Variants in PARP9 observed in about 807,000 individuals in gnomAD.
The protein encoded by PARP9 is protein mono-ADP-ribosyltransferase PARP9.
A neutral mutation model predicts 68.8 loss-of-function variants in PARP9; 48 were observed. The observed-to-expected ratio is 0.70, with a 90% CI of 0.55 to 0.89. PARP9 has a LOEUF of 0.89. Among genes scored for constraint, PARP9 ranks in the 40% least tolerant of loss-of-function variants. The pLI is 0.00. For synonymous variants in PARP9, 309 were observed against 333.8 expected, an observed-to-expected ratio of 0.93 and a Z score of 0.81; for missense variants, 806 against 969.3, an observed-to-expected ratio of 0.83 and a Z score of 2.24.
Position 122,555,335 on chromosome 3 carries a change from A to G in PARP9, c.836T>C (p.Val279Ala), listed in dbSNP as rs200422942. 28 of 1,614,074 alleles carry G rather than the reference A, an allele frequency of 1.7e-5. No homozygotes were observed. The highest frequency in any genetic ancestry group is 5.9e-6 in the Non-Finnish European group (7 of 1,179,964). ...GACAATCTGGAGGGTCAGGTTGTTCACGACCATTGCATTGAAAGAAGGGGT... is the reference window on the plus strand; with the variant it reads ...GACAATCTGGAGGGTCAGGTTGTTCGCGACCATTGCATTGAAAGAAGGGGT... ...ETTPSFNAMV[V>A]NNLTLQIVQG... Residue 279 changes from valine to alanine, a missense_variant, in exon 4 of 11, where the codon GTG becomes GCG. This residue lies in a region of PARP9 where 680 missense variants were observed against 858.8 expected (regional missense o/e 0.79). Coordinates refer to ENST00000682323, the MANE Select transcript of PARP9 (RefSeq NM_001146105.2).
rs568727341 is a variant in PARP9, at chr3:122,536,272, A to G, written c.1976T>C (p.Leu659Pro). 1.2e-6 allele frequency: 2 copies of G among 1,614,170 alleles called. No individual in the cohort carries two copies. Among genetic ancestry groups the G allele is most frequent in the African/African-American group, 1.3e-5 (1 of 75,038 alleles). ...CCTATGGCTCACAGGTTGCCTGTGC[A>G]GTTTTTCTTCCATCATTTTCTTCTT... Reference protein sequence around the residue: ...QRKKKMMEEKLHRQPVSHRLF... With the variant: ...QRKKKMMEEKPHRQPVSHRLF... Residue 659 changes from leucine to proline, a missense_variant, in exon 10 of 11, where the codon CTG becomes CCG. By Grantham distance (98) the Leu-to-Pro change is moderately conservative. This residue lies in a region of PARP9 where 680 missense variants were observed against 858.8 expected (regional missense o/e 0.79). Coordinates refer to ENST00000682323, the MANE Select transcript of PARP9 (RefSeq NM_001146105.2).
intron 8 of PARP9, 92 bp downstream of exon 8, chr3:122,540,376 TTCTG>T: frequency 1.4e-6 from 2 of 1,431,060 alleles, no homozygotes; most frequent in East Asian, 4.6e-5. Context: ...TCCTCTCTCC[TTCTG>T]TCTCTTACCC....
chr3:122,545,479 G>C lies in PARP9; in HGVS notation c.1337C>G (p.Ser446Cys), dbSNP rs746024234. The change falls in exon 7 of 11, where the codon TCT becomes TGT. Residue 446 changes from serine to cysteine, a missense_variant. Coordinates refer to ENST00000682323, the MANE Select transcript of PARP9 (RefSeq NM_001146105.2). ...CATCTTGGACCTCTTTGCCATTTCA[G>C]AACTGAAAGCCTACAAGAAGCAAAA... is the stretch of plus-strand genomic sequence containing the variant. ...TDLEIYKAFS[S>C]EMAKRSKMLS... 2 of 1,614,164 alleles carry C rather than the reference G, an allele frequency of 1.2e-6. No individual in the cohort carries two copies. The highest frequency in any genetic ancestry group is 2.2e-5 in the South Asian group (2 of 91,080).
intron 9 of PARP9, 159 bp downstream of exon 9, chr3:122,536,775 G>T: frequency 1.2e-6 from 1 of 800,738 alleles, no homozygotes; most frequent in Non-Finnish European, 1.9e-6. Flanking sequence ...TATCCCTCGT[G>T]CCTGCCCTGC....
rs34006803 is a variant in PARP9, at chr3:122,558,421, G to A, written c.49+13C>T. 169,321 of 1,613,884 alleles carry A rather than the reference G, an allele frequency of 0.1. 10,364 individuals carry two copies. Among genetic ancestry groups the A allele is most frequent in the Middle Eastern group, 0.22 (1,341 of 6,062 alleles). On this transcript the variant is annotated intron_variant, in intron 3 of 10. Coordinates refer to ENST00000682323, the MANE Select transcript of PARP9 (RefSeq NM_001146105.2). ...GACTTTCTGAAACAAGAGTGAGAGC[G>A]AGGTAATCCTACCTGATTTTTCATT...
In PARP9 at chr3:122,528,387, C is replaced by T. The variant is rs760906815; in HGVS notation, c.2437G>A (p.Ala813Thr). The change falls in exon 11 of 11, where the codon GCA (alanine) becomes ACA (threonine). Residue 813 changes from alanine (A) to threonine (T), a missense_variant. Ala to Thr is a moderately conservative substitution (Grantham distance 58). Around this residue, in one of 2 missense-constraint regions of PARP9, gnomAD observed 680 missense variants for 858.8 expected, o/e 0.79. Transcript: ENST00000682323. ...GATTAATCAACAGGGCTGCCACTTG[C>T]GAATCCCCTCCAAGGATGCTGTGCA... ...PFAQHPWRGF[A>T]SGSPVD 18 of 1,613,240 alleles carry T rather than the reference C, an allele frequency of 1.1e-5. No individual in the cohort carries two copies. The African/African-American group carries it at 1.2e-4, about 11-fold the overall frequency.
At chr3:122,535,380 T>C in intron 10 of PARP9, 1 of 985,334 alleles carries the variant, frequency 1.0e-6, no homozygotes, top group Non-Finnish European at 1.2e-6. Flanking sequence ...AAACCAAGTC[T>C]ATTGGAATTG....
chr3:122,537,044 G>C lies in PARP9; in HGVS notation c.1795C>G (p.Gln599Glu). 6.2e-7 allele frequency: 1 copy of C among 1,613,348 alleles called. No homozygotes were observed. The highest frequency in any genetic ancestry group is 8.5e-7 in the Non-Finnish European group (1 of 1,179,594). Reference sequence around the variant, plus strand: ...ATGATATTTTCTTTCATTTCGTCTTGGGTTTTTTGTTGCTGAATAGTCCAC... The same window carrying C: ...ATGATATTTTCTTTCATTTCGTCTTCGGTTTTTTGTTGCTGAATAGTCCAC... ...GQWTIQQQKTQDEMKENIIFL... is the reference protein window; with the variant it reads ...GQWTIQQQKTEDEMKENIIFL... Residue 599 changes from glutamine to glutamate, a missense_variant, in exon 9 of 11, where the codon CAA becomes GAA. Around this residue, in one of 2 missense-constraint regions of PARP9, gnomAD observed 680 missense variants for 858.8 expected, o/e 0.79. Transcript: ENST00000682323.
At chr3:122,544,045 T>C (rs1255600795) in intron 7 of PARP9, among the ~76,000 whole-genome samples, 3 of 152,250 alleles carry the variant, frequency 2.0e-5, no homozygotes, top group African/African-American at 7.2e-5. Context: ...TTTATGTTCC[T>C]TTTTTATGTT....
At chr3:122,539,549 TTCTTTCTTTCTTTCTTTC>T (rs2077989057) in intron 8 of PARP9, among the ~76,000 whole-genome samples, 1 of 68,432 alleles carries the variant, frequency 1.5e-5, no homozygotes, top group Non-Finnish European at 3.5e-5. Flanking sequence ...CTTTCTTTCT[TTCTTTCTTTCTTTCTTTC>T]TTTTTTTTTT....
intron 6 of PARP9, 128 bp downstream of exon 6, chr3:122,550,456 A>T: frequency 1.3e-6 from 1 of 750,476 alleles, no homozygotes; most frequent in Non-Finnish European, 2.1e-6. Flanking sequence ...ACCAAGTTAG[A>T]ACACCACCAC....
intron 8 of PARP9, among the ~76,000 whole-genome samples, chr3:122,539,507 A>ATTCCTTCCTTCCTTTCTTTC (rs1553714534): frequency 7.5e-6 from 1 of 133,162 alleles, no homozygotes; most frequent in Non-Finnish European, 1.6e-5. Context: ...CCAAGATGGC[A>ATTCCTTCCTTCCTTTCTTTC]TTTCTTTCTT....
Position 122,540,846 on chromosome 3 carries a change from T to C in PARP9, c.1391A>G (p.Gln464Arg). 1 of 1,611,720 alleles carries C rather than the reference T, an allele frequency of 6.2e-7. No individual in the cohort carries two copies. Among genetic ancestry groups the C allele is most frequent in the South Asian group, 1.1e-5 (1 of 90,958 alleles). The change falls in exon 8 of 11, where the codon CAG becomes CGG. Residue 464 changes from glutamine to arginine, a missense_variant. Transcript: ENST00000682323. ...TTCTCTTTTCTCCTCTCTGGTTGAC[T>C]GGGGGACTGAAATGACTATAATAAG... is the stretch of plus-strand genomic sequence containing the variant. ...MLSLNNYSVP[Q>R]STREEKRENG...
At position 122,538,891 on chromosome 3, in the gene PARP9, T is replaced by A. The variant is rs186656477; in HGVS notation, c.1765+1581A>T. ...TTTTGCCACTGTGTTTTCTGTGGGA[T>A]GTAAATACAACATTTATGGCGAACT... On this transcript the variant is annotated intron_variant, in intron 8 of 10. Coordinates refer to ENST00000682323, the MANE Select transcript of PARP9 (RefSeq NM_001146105.2). Among the ~76,000 whole-genome samples the A allele has an allele frequency of 2.8e-4, 43 of 152,212 alleles. 1 individual carries two copies. The East Asian group carries it at 6.9e-3, about 25-fold the overall frequency.
chr3:122,550,085 T>C (rs1398388913), intron 6 of PARP9, among the ~76,000 whole-genome samples: 1 of 152,178 alleles, frequency 6.6e-6, no homozygotes, highest in Non-Finnish European at 1.5e-5. Flanking sequence ...TGTTTTGTTT[T>C]GTTTTGTTTT....
At chr3:122,547,739 A>G (rs1413106117) in intron 6 of PARP9, among the ~76,000 whole-genome samples, 1 of 151,984 alleles carries the variant, frequency 6.6e-6, no homozygotes, top group African/African-American at 2.4e-5. Context: ...TGTAGGTCTA[A>G]CTACTCAGGA....
chr3:122,564,160 T>C (rs2080483381), intron 1 of PARP9, 85 bp downstream of exon 1: 1 of 475,834 alleles, frequency 2.1e-6, no homozygotes, highest in African/African-American at 2.1e-5. Flanking sequence ...GGGACCCGGG[T>C]CCGCGCCCGT....
Position 122,545,493 on chromosome 3 carries a change from C to G in PARP9, c.1327-4G>C. The G allele has an allele frequency of 6.2e-7, 1 of 1,614,150 alleles. No individual in the cohort carries two copies. Among genetic ancestry groups the G allele is most frequent in the African/African-American group, 1.3e-5 (1 of 75,046 alleles). On this transcript the variant is annotated splice_polypyrimidine_tract_variant and splice_region_variant and intron_variant, in intron 6 of 10. Transcript: ENST00000682323. ...TTGCCATTTCAGAACTGAAAGCCTA[C>G]AAGAAGCAAAACAGAGCAGAGAGTC...
At chr3:122,529,460 T>G (rs2077147075) in intron 10 of PARP9, among the ~76,000 whole-genome samples, 1 of 152,000 alleles carries the variant, frequency 6.6e-6, no homozygotes, top group African/African-American at 2.4e-5. Flanking sequence ...TAGAACATTG[T>G]CTGACTTCGG....
Sources: allele counts gnomAD v4.1 joint callset (sites outside exome capture counted in the v4.1 genomes callset), GRCh38; gene constraint gnomAD v4.1.1; regional missense constraint gnomAD v4.1.1; transcripts MANE v1.5; gene names NCBI Gene and HGNC (gene_info 2026-07-23, HGNC 2026-07-21).